Variants in C1QL1 observed in about 807,000 individuals in gnomAD.
C1QL1 encodes the protein C1q-related factor.
A neutral mutation model predicts 14.2 loss-of-function variants in C1QL1; 15 were observed. The ratio of observed to expected loss-of-function variants is 1.06; its 90% CI spans 0.71 to 1.62. The LOEUF (loss-of-function observed/expected upper bound fraction) is 1.62, where lower values mean the gene tolerates loss of function less well. C1QL1 is among the 40% of genes most tolerant of loss of function. The pLI, the probability that C1QL1 is intolerant of heterozygous loss-of-function variation, is 0.00. For synonymous variants in C1QL1, 172 were observed against 172.4 expected (o/e 1.00, Z 0.02); for missense variants, 346 against 380.3 (o/e 0.91, Z 0.75).
chr17:44,967,577 T>C lies in C1QL1; in HGVS notation c.472A>G (p.Asn158Asp). 1 of 1,614,086 alleles carries C rather than the reference T, an allele frequency of 6.2e-7. No individual in the cohort carries two copies. Among genetic ancestry groups the C allele is most frequent in the South Asian group, 1.1e-5 (1 of 91,088 alleles). ...AACTTGCCGCTGGCCGCGTCGTAGT[T>C]GTTGCCTAGGTTGGTGACCACGTCG... ...FDDVVTNLGN[N>D]YDAASGKFTC... The change falls in exon 1 of 2, where the codon AAC (asparagine) becomes GAC (aspartate). Residue 158 changes from asparagine (N) to aspartate (D), a missense_variant. Coordinates refer to ENST00000253407, the MANE Select transcript of C1QL1 (RefSeq NM_006688.5). This position sits in a 1 kb window ranked among gnomAD's most constrained non-coding sequence, Gnocchi z 7.0.
rs2052662006 is a variant in C1QL1, at chr17:44,967,325, C to G, written c.597+127G>C. 1 of 983,354 alleles carries G rather than the reference C, an allele frequency of 1.0e-6. No homozygotes were observed. Among genetic ancestry groups the G allele is most frequent in the Non-Finnish European group, 1.5e-6 (1 of 663,696 alleles). The allele number at this position is 983,354 out of a possible 1,614,324, so 60.9% of individuals were successfully genotyped here. A position where few individuals can be genotyped will look rare whatever the true frequency, so the allele number is the denominator to read the frequency against. On this transcript the variant is annotated intron_variant, in intron 1 of 1. Transcript: ENST00000253407. This position sits in a 1 kb window ranked among gnomAD's most constrained non-coding sequence, Gnocchi z 7.0. ...CCCACACGTGATGACCAAGCGGGGC[C>G]GCTGTGGGGTGGGATCTCCACCTGC... is the stretch of plus-strand genomic sequence containing the variant.
In C1QL1 at chr17:44,960,293, C is replaced by T. The variant is rs767748241; in HGVS notation, c.672G>A (p.Leu224=). 1 of 1,614,176 alleles carries T rather than the reference C, an allele frequency of 6.2e-7. No individual in the cohort carries two copies. The stretch of plus-strand genomic sequence containing the variant: ...TGATGAAGACCTCGTCGCCGGCGTC[C>T]AGGTGCAGGATCACGCTGTTGCTGG... ...DYASNSVILH[L]DAGDEVFIKL... The change falls in exon 2 of 2, where the codon CTG becomes CTA. Residue 224 remains leucine, a synonymous_variant. Coordinates refer to ENST00000253407, the MANE Select transcript of C1QL1 (RefSeq NM_006688.5).
chr17:44,967,692 G>T lies in C1QL1; in HGVS notation c.357C>A (p.Ile119=). 6.2e-7 allele frequency: 1 copy of T among 1,612,270 alleles called. No individual in the cohort carries two copies. Among genetic ancestry groups the T allele is most frequent in the Non-Finnish European group, 8.5e-7 (1 of 1,179,596 alleles). Residue 119 remains isoleucine, a synonymous_variant, in exon 1 of 2, where the codon ATC becomes ATA. Coordinates refer to ENST00000253407, the MANE Select transcript of C1QL1 (RefSeq NM_006688.5). This position sits in a 1 kb window ranked among gnomAD's most constrained non-coding sequence, Gnocchi z 7.0. ...GCACCGTGGTGTAGGTGGCAGTGCT[G>T]ATGGCGCCGCTGCCCCCCGCGCCCG... ...GLPGAGGSGA[I]STATYTTVPR... is the part of the protein sequence containing the mutation.
In C1QL1 at chr17:44,968,057, C is replaced by A; in HGVS notation, c.-9G>T. 1 of 1,305,206 alleles carries A rather than the reference C, an allele frequency of 7.7e-7. No individual in the cohort carries two copies. The highest frequency in any genetic ancestry group is 9.7e-7 in the Non-Finnish European group (1 of 1,027,022). The allele number at this position is 1,305,206 out of a possible 1,614,324, so 80.9% of individuals were successfully genotyped here. On this transcript the variant is annotated 5_prime_UTR_variant, in exon 1 of 2. Transcript: ENST00000253407. ...ACCAGCACCAGCAGCATCACCACAC[C>A]CGCGGCGGCCGCTAGCAGCGTCTTT...
intron 1 of C1QL1, among the ~76,000 whole-genome samples, chr17:44,963,718 G>T (rs2052640835): frequency 6.6e-6 from 1 of 152,142 alleles, no homozygotes; most frequent in African/African-American, 2.4e-5. Flanking sequence ...GAGCCACTGT[G>T]CACAGCCTTC....
At chr17:44,966,883 G>A (rs2052660083) in intron 1 of C1QL1, among the ~76,000 whole-genome samples, 1 of 151,864 alleles carries the variant, frequency 6.6e-6, no homozygotes, top group Non-Finnish European at 1.5e-5. Context: ...TTTTGCAAAG[G>A]GTGTCAGATT....
chr17:44,964,209 G>T (rs937048196), intron 1 of C1QL1, among the ~76,000 whole-genome samples: 8 of 152,198 alleles, frequency 5.3e-5, no homozygotes, highest in Non-Finnish European at 1.2e-4. Context: ...CCTCCCTAAA[G>T]AAATTCTGGA....
chr17:44,967,762 G>C lies in C1QL1; in HGVS notation c.287C>G (p.Pro96Arg), dbSNP rs1052317799. The C allele has an allele frequency of 1.3e-6, 2 of 1,565,564 alleles. No individual in the cohort carries two copies. The highest frequency in any genetic ancestry group is 2.1e-4 in the Middle Eastern group (1 of 4,724). ...CTTGCCTGGCTCACCCTTCTCCCCC[G>C]GCGGCCCCACAGGGCCGGGAGGACC... The part of the protein sequence containing the change: ...DPGPPGPVGP[P>R]GEKGEPGKPG... Residue 96 changes from proline (P) to arginine (R), a missense_variant, in exon 1 of 2, where the codon CCG (proline) becomes CGG (arginine). Transcript: ENST00000253407. The surrounding 1 kb of genome is among the most constrained non-coding windows in gnomAD (Gnocchi z 7.0).
chr17:44,967,824 G>C lies in C1QL1; in HGVS notation c.225C>G (p.Thr75=), dbSNP rs201711554. 1.7e-3 allele frequency: 2,375 copies of C among 1,392,010 alleles called. 42 individuals are homozygous for C. In the African/African-American group the frequency reaches 0.031, roughly 18 times the overall value. 86.2% of individuals were successfully genotyped at this position (1,392,010 alleles called of 1,614,324 possible). A position where few individuals can be genotyped will look rare whatever the true frequency, so the allele number is the denominator to read the frequency against. ...VQGPQGKPGR[T]GKPGPPGPPG... ...GAGGCCCCGGAGGGCCGGGCTTGCC[G>C]GTGCGGCCCGGCTTCCCCTGGGGGC... Residue 75 remains threonine (T), a synonymous_variant, in exon 1 of 2, where the codon ACC becomes ACG. Coordinates refer to ENST00000253407, the MANE Select transcript of C1QL1 (RefSeq NM_006688.5). The surrounding 1 kb of genome is among the most constrained non-coding windows in gnomAD (Gnocchi z 7.0).
At chr17:44,962,386 C>T (rs1405778634) in intron 1 of C1QL1, among the ~76,000 whole-genome samples, 2 of 152,176 alleles carry the variant, frequency 1.3e-5, no homozygotes, top group Non-Finnish European at 2.9e-5. Flanking sequence ...CCTCTTCTTC[C>T]CAACCTGAGA....
intron 1 of C1QL1, among the ~76,000 whole-genome samples, chr17:44,963,013 T>C (rs3024287): frequency 0.17 from 25,997 of 152,136 alleles, 2,415 homozygotes; most frequent in East Asian, 0.31. Flanking sequence ...CTGGAGACAG[T>C]TGAGGCCTGC....
Position 44,960,394 on chromosome 17 carries a change from G to A in C1QL1, c.598-27C>T, listed in dbSNP as rs2052621282. 8 of 1,569,188 alleles carry A rather than the reference G, an allele frequency of 5.1e-6. No homozygotes were observed. The Admixed American group carries it at 1.0e-4, about 20-fold the overall frequency. On this transcript the variant is annotated intron_variant, in intron 1 of 1. Coordinates refer to ENST00000253407, the MANE Select transcript of C1QL1 (RefSeq NM_006688.5). Reference sequence around the variant, plus strand: ...TGCGGGTGGGGGACACGGGAGGGAGGGCGAGAGGAGAGAGAGGATGAGAAG... The same window carrying A: ...TGCGGGTGGGGGACACGGGAGGGAGAGCGAGAGGAGAGAGAGGATGAGAAG...
At chr17:44,960,540 T>G (rs564171719) in intron 1 of C1QL1, among the ~76,000 whole-genome samples, 173 bp from the exon 2 acceptor site, 2 of 152,276 alleles carry the variant, frequency 1.3e-5, no homozygotes, top group South Asian at 4.1e-4. Flanking sequence ...ACAGGACTTG[T>G]TTCAGGAAAG....
At chr17:44,964,255 C>T (rs939512524) in intron 1 of C1QL1, among the ~76,000 whole-genome samples, 2 of 152,200 alleles carry the variant, frequency 1.3e-5, no homozygotes, top group Admixed American at 6.5e-5. Context: ...GAAGGAAAAG[C>T]GCAGTGCTCA....
At position 44,960,236 on chromosome 17, in the gene C1QL1, G is replaced by A. The variant is rs1439715254; in HGVS notation, c.729C>T (p.Asn243=). Residue 243 remains asparagine, a synonymous_variant, in exon 2 of 2, where the codon AAC becomes AAT. Transcript: ENST00000253407. The part of the protein sequence containing the change: ...KLDGGKAHGG[N]SNKYSTFSGF... ...CAGAGAACGTGCTGTATTTGTTGCT[G>A]TTGCCGCCGTGTGCTTTGCCTCCAT... 2 of 1,614,070 alleles carry A rather than the reference G, an allele frequency of 1.2e-6. No individual in the cohort carries two copies. Among genetic ancestry groups the A allele is most frequent in the Non-Finnish European group, 8.5e-7 (1 of 1,180,022 alleles).
chr17:44,968,264 G>C lies in C1QL1; in HGVS notation c.-216C>G, dbSNP rs1410777964. ...GCTGCGCTGCGGAGCCCAGCCGCCG[G>C]CTCCTGCCTCGCGCCTCCCTCCTGC... On this transcript the variant is annotated 5_prime_UTR_variant, in exon 1 of 2. Transcript: ENST00000253407. Among the ~76,000 whole-genome samples, 4 of 148,944 alleles carry C rather than the reference G, an allele frequency of 2.7e-5. No individual in the cohort carries two copies. Among genetic ancestry groups the C allele is most frequent in the South Asian group, 4.2e-4 (2 of 4,794 alleles).
intron 1 of C1QL1, among the ~76,000 whole-genome samples, chr17:44,964,302 G>A (rs1331600184): frequency 1.3e-5 from 2 of 152,220 alleles, no homozygotes; most frequent in Admixed American, 6.5e-5. Context: ...AGAGATACAA[G>A]CTTCTCTCTT....
chr17:44,960,327 T>C lies in C1QL1; in HGVS notation c.638A>G (p.Tyr213Cys). The C allele has an allele frequency of 6.2e-7, 1 of 1,613,956 alleles. No individual in the cohort carries two copies. The highest frequency in any genetic ancestry group is 8.5e-7 in the Non-Finnish European group (1 of 1,179,984). Residue 213 changes from tyrosine to cysteine, a missense_variant, in exon 2 of 2, where the codon TAC (tyrosine) becomes TGC (cysteine). By Grantham distance (194) the Tyr-to-Cys change is radical (BLOSUM62 -2). Coordinates refer to ENST00000253407, the MANE Select transcript of C1QL1 (RefSeq NM_006688.5). ...SAIAQDADQNYDYASNSVILH... is the reference protein window; with the variant it reads ...SAIAQDADQNCDYASNSVILH... ...GATCACGCTGTTGCTGGCGTAGTCG[T>C]AGTTCTGGTCCGCGTCCTGGGCAAT...
chr17:44,963,600 AT>A (rs780925992), intron 1 of C1QL1, among the ~76,000 whole-genome samples: 1 of 151,834 alleles, frequency 6.6e-6, no homozygotes, highest in Non-Finnish European at 1.5e-5. Flanking sequence ...GTTTTTTTGT[AT>A]TTTTAGTAGA....
Sources: gnomAD v4.1 joint callset for allele counts (sites outside exome capture counted in the v4.1 genomes callset) on GRCh38, gnomAD v4.1.1 for gene constraint, Gnocchi (gnomAD v3.1) non-coding constraint, MANE v1.5 for transcripts, NCBI Gene and HGNC (gene_info 2026-07-23, HGNC 2026-07-21) for gene names.